MATK: variants seen among roughly 807,000 people sequenced by gnomAD.
MATK encodes the protein megakaryocyte-associated tyrosine-protein kinase.
In MATK, 41 loss-of-function variants were observed where a neutral mutation model predicts 59.8. That is an observed-to-expected ratio of 0.69 (90% CI 0.53 to 0.89). The LOEUF (loss-of-function observed/expected upper bound fraction) is 0.89, where lower values mean the gene tolerates loss of function less well. Ranked by LOEUF, MATK falls within the 40% of genes least tolerant of loss-of-function variation. The pLI is 0.00. For missense variants in MATK, 593 were observed against 719.6 expected (o/e 0.82, Z 2.01); for synonymous variants, 308 against 306.1 (o/e 1.01, Z -0.06).
chr19:3,788,555 G>T (rs2037511272), upstream of MATK, among the ~76,000 whole-genome samples: 4 of 149,810 alleles, frequency 2.7e-5, no homozygotes, highest in South Asian at 2.1e-4. Context: ...GGAGGCGGAG[G>T]TTGCAGAGAG....
At chr19:3,783,732 CT>C in intron 6 of MATK, 81 bp downstream of exon 6, 2 of 1,346,682 alleles carry the variant, frequency 1.5e-6, no homozygotes, top group Non-Finnish European at 2.1e-6. Context: ...TGACCCGCCC[CT>C]CTATCTCTAC....
In MATK at chr19:3,781,677, G is replaced by A; in HGVS notation, c.677-5C>T. On this transcript the variant is annotated splice_polypyrimidine_tract_variant and splice_region_variant and intron_variant, in intron 7 of 13. Transcript: ENST00000310132. ...GCAGGTTCAGTAACCAGCCCGCTGT[G>A]GAGTGAAGACCCAGTCAGAGGGGTA... 6.2e-7 allele frequency: 1 copy of A among 1,612,746 alleles called. No homozygotes were observed. Among genetic ancestry groups the A allele is most frequent in the Non-Finnish European group, 8.5e-7 (1 of 1,179,770 alleles).
At chr19:3,795,369 T>G (rs2037584287) in intron 1 of MATK, among the ~76,000 whole-genome samples, 1 of 150,026 alleles carries the variant, frequency 6.7e-6, no homozygotes, top group African/African-American at 2.5e-5. Context: ...GCCTCCTGGG[T>G]TCAAGCAATT....
intron 1 of MATK, among the ~76,000 whole-genome samples, chr19:3,795,701 GT>G (rs1252648660): frequency 7.0e-6 from 1 of 141,992 alleles, no homozygotes; most frequent in Non-Finnish European, 1.5e-5. Flanking sequence ...TCAGACTGTA[GT>G]TTGCTCTCCG....
chr19:3,778,846 C>T (rs776203564), intron 12 of MATK, 146 bp downstream of exon 12: 35 of 916,754 alleles, frequency 3.8e-5, no homozygotes, highest in South Asian at 2.7e-4. Flanking sequence ...AGGGGGGCTA[C>T]GAGGAACAAT....
In MATK at chr19:3,779,791, A is replaced by G. The variant is rs1362977451; in HGVS notation, c.749T>C (p.Leu250Pro). ...QIGEGEFGAV[L>P]QGEYLGQKVA... ...CTTTTGCCCCAGGTACTCACCCTGC[A>G]GGACAGCTGGGGGGTGGGGGTGGGG... The change falls in exon 9 of 14, where the codon CTG (leucine) becomes CCG (proline). Residue 250 changes from leucine (L) to proline (P), a missense_variant. Transcript: ENST00000310132. 1 of 1,594,654 alleles carries G rather than the reference A, an allele frequency of 6.3e-7. No individual in the cohort carries two copies.
intron 1 of MATK, chr19:3,793,404 A>T (rs1395297885): frequency 6.6e-6 from 1 of 151,944 alleles, no homozygotes; most frequent in Non-Finnish European, 1.5e-5. Context: ...CGTCTCTACT[A>T]AAAAAATACA....
At chr19:3,788,641 A>T (rs930736437), upstream of MATK, among the ~76,000 whole-genome samples, 1 of 150,166 alleles carries the variant, frequency 6.7e-6, no homozygotes, top group African/African-American at 2.4e-5. Flanking sequence ...AAAAAAAAAA[A>T]ATAGAGATGG....
chr19:3,799,946 T>A (rs1443614697), intron 1 of MATK, among the ~76,000 whole-genome samples: 1 of 149,368 alleles, frequency 6.7e-6, no homozygotes, highest in Non-Finnish European at 1.5e-5. Context: ...ATCGAGACCA[T>A]CCTGGCTGAC....
intron 1 of MATK, among the ~76,000 whole-genome samples, chr19:3,794,958 ACTTTT>A (rs1247551654): frequency 2.1e-5 from 3 of 142,176 alleles, no homozygotes; most frequent in African/African-American, 7.9e-5. Flanking sequence ...CTTTCATATT[ACTTTT>A]CTTTTCTTTT....
intron 8 of MATK, among the ~76,000 whole-genome samples, chr19:3,781,018 C>T (rs958903005): frequency 8.6e-5 from 13 of 151,746 alleles, no homozygotes; most frequent in South Asian, 8.3e-4. Flanking sequence ...CATGAGCCAC[C>T]GTGCCTGGCT....
upstream of MATK, among the ~76,000 whole-genome samples, chr19:3,787,868 A>G (rs1304637044): frequency 6.6e-6 from 1 of 151,964 alleles, no homozygotes; most frequent in Non-Finnish European, 1.5e-5. Flanking sequence ...CCCAGTTACA[A>G]GAGAATTACA....
rs748753334 is a variant in MATK, at chr19:3,779,811, G to T, written c.743-14C>A. On this transcript the variant is annotated splice_polypyrimidine_tract_variant and intron_variant, in intron 8 of 13. Transcript: ENST00000310132. ...CCTGCAGGACAGCTGGGGGGTGGGG[G>T]TGGGGAACGGGGTGAGATCAGGACC... 2.7e-5 allele frequency: 41 copies of T among 1,532,540 alleles called. No individual in the cohort carries two copies. In the South Asian group the frequency reaches 4.6e-4, roughly 17 times the overall value. The allele number at this position is 1,532,540 out of a possible 1,614,324, so 94.9% of individuals were successfully genotyped here.
chr19:3,788,848 C>T (rs1163322378), upstream of MATK, among the ~76,000 whole-genome samples: 1 of 151,978 alleles, frequency 6.6e-6, no homozygotes, highest in Admixed American at 6.6e-5. Flanking sequence ...CATGCCACCA[C>T]ACCCAGCTAA....
intron 6 of MATK, 111 bp downstream of exon 6, chr19:3,783,703 G>A (rs1166745319): frequency 3.2e-6 from 3 of 948,484 alleles, no homozygotes; most frequent in Non-Finnish European, 4.8e-6. Flanking sequence ...CAGCTGCTGG[G>A]GAAGGGATGG....
chr19:3,780,531 A>G (rs950705314), intron 8 of MATK, among the ~76,000 whole-genome samples: 80 of 149,808 alleles, frequency 5.3e-4, no homozygotes, highest in Middle Eastern at 3.5e-3. Flanking sequence ...AGGTCACGCC[A>G]TTCTCCTGCC....
intron 5 of MATK, 30 bp downstream of exon 5, chr19:3,784,094 C>A: frequency 6.3e-7 from 1 of 1,592,798 alleles, no homozygotes; most frequent in Non-Finnish European, 8.6e-7. Context: ...TTGCTGTCCC[C>A]TACCCCAGGC....
chr19:3,781,697 G>A (rs574894314), intron 7 of MATK, 25 bp from the exon 8 acceptor site: 2 of 1,597,396 alleles, frequency 1.3e-6, no homozygotes, highest in South Asian at 1.1e-5. Flanking sequence ...CCCAGTCAGA[G>A]GGGTAATGGG....
chr19:3,791,630 A>AC (rs1406969317), intron 1 of MATK, among the ~76,000 whole-genome samples: 1 of 149,098 alleles, frequency 6.7e-6, no homozygotes, highest in African/African-American at 2.5e-5. Flanking sequence ...GGCGTGAGCC[A>AC]CCGCACCCAG....
Sources: allele counts gnomAD v4.1 joint callset (sites outside exome capture counted in the v4.1 genomes callset), GRCh38; gene constraint gnomAD v4.1.1; transcripts MANE v1.5; gene names NCBI Gene and HGNC (gene_info 2026-07-23, HGNC 2026-07-21).